Variants in MSH3 observed in about 807,000 individuals in gnomAD.
MSH3 encodes the protein DNA mismatch repair protein Msh3.
Under a neutral mutation model 123.3 loss-of-function variants are expected in MSH3, and 106 were observed. That is an observed-to-expected ratio of 0.86 (90% CI 0.73 to 1.01). MSH3 has a LOEUF of 1.01. Ranked by LOEUF, MSH3 falls within the 50% of genes least tolerant of loss-of-function variation. MSH3 has a pLI of 0.00. For synonymous variants in MSH3, 515 were observed against 481.4 expected (o/e 1.07, Z -0.91); for missense variants, 1,459 against 1,347.6 (o/e 1.08, Z -1.29).
rs775530635 is a variant in MSH3, at chr5:80,670,263, G to T, written c.746G>T (p.Cys249Phe). ...MKQQHKDAVL[C>F]VECGYKYRFF... is the part of the protein sequence containing the mutation. The stretch of plus-strand genomic sequence containing the variant: ...CAGCAGCACAAAGATGCAGTTTTGT[G>T]TGTGGAATGTGGATATAAGTATAGA... Residue 249 changes from cysteine (C) to phenylalanine (F), a missense_variant, in exon 4 of 24, where the codon TGT (cysteine) becomes TTT (phenylalanine). Cys to Phe is a radical substitution (Grantham distance 205). Transcript: ENST00000265081. 1.9e-6 allele frequency: 3 copies of T among 1,614,128 alleles called. No homozygotes were observed. In the South Asian group the frequency reaches 3.3e-5, roughly 18 times the overall value.
chr5:80,847,249 G>A (rs1745741056), intron 20 of MSH3, among the ~76,000 whole-genome samples: 1 of 151,904 alleles, frequency 6.6e-6, no homozygotes, highest in Non-Finnish European at 1.5e-5. Context: ...TAGTAGATAT[G>A]TGGTTTTGCC....
At chr5:80,720,969 A>G (rs1291851445) in intron 8 of MSH3, among the ~76,000 whole-genome samples, 1 of 152,188 alleles carries the variant, frequency 6.6e-6, no homozygotes, top group Non-Finnish European at 1.5e-5. Context: ...ATCACAGTCG[A>G]GATGTGGAAG....
At chr5:80,873,804 G>T (rs1746263116) in intron 23 of MSH3, among the ~76,000 whole-genome samples, 1 of 152,106 alleles carries the variant, frequency 6.6e-6, no homozygotes, top group African/African-American at 2.4e-5. Flanking sequence ...ATGCTTATGG[G>T]AATACTTTCC....
chr5:80,784,345 C>T (rs1413465562), intron 17 of MSH3, among the ~76,000 whole-genome samples: 1 of 151,304 alleles, frequency 6.6e-6, no homozygotes, highest in Non-Finnish European at 1.5e-5. Flanking sequence ...CTCTAAACAC[C>T]CAGGGCAGTT....
chr5:80,863,879 CAGAG>C lies in MSH3; in HGVS notation c.3001-928_3001-925del, dbSNP rs1403557772. ...CAGAGGAATCTCTCAGCAGACTTCACAGAGAGAGAAGAGGTTGTAAAATGTTTCT... is the reference window on the plus strand; with the variant it reads ...CAGAGGAATCTCTCAGCAGACTTCACAGAGAAGAGGTTGTAAAATGTTTCT... On this transcript the variant is annotated intron_variant, in intron 21 of 23. Coordinates refer to ENST00000265081, the MANE Select transcript of MSH3 (RefSeq NM_002439.5). 3.3e-5 allele frequency among the ~76,000 whole-genome samples: 5 copies of C among 151,960 alleles called. No homozygotes were observed. In the South Asian group the frequency reaches 6.2e-4, roughly 19 times the overall value.
At chr5:80,800,448 G>T (rs986116149) in intron 19 of MSH3, among the ~76,000 whole-genome samples, 4 of 152,104 alleles carry the variant, frequency 2.6e-5, no homozygotes, top group African/African-American at 9.7e-5. Flanking sequence ...ATGCTAACTG[G>T]TCCTGCCGAT....
rs1282544478 is a variant in MSH3, at chr5:80,743,739, G to A, written c.1654-767G>A. 1.4e-4 allele frequency among the ~76,000 whole-genome samples: 7 copies of A among 49,874 alleles called. 3 individuals are homozygous for A. The highest frequency in any genetic ancestry group is 2.3e-4 in the Non-Finnish European group (6 of 26,324). 32.7% of individuals were successfully genotyped at this position (49,874 alleles called of 152,430 possible). A position where few individuals can be genotyped will look rare whatever the true frequency, so the allele number is the denominator to read the frequency against. On this transcript the variant is annotated intron_variant, in intron 11 of 23. Coordinates refer to ENST00000265081, the MANE Select transcript of MSH3 (RefSeq NM_002439.5). ...GGCGCCTGTAGTCCCAGCTACTCGG[G>A]AGGCTGAGGCAGGAGAATGGCGTGA... is the stretch of plus-strand genomic sequence containing the variant.
rs181050823 is a variant in MSH3, at chr5:80,691,924, T to G, written c.1340+12831T>G. On this transcript the variant is annotated intron_variant, in intron 8 of 23. Coordinates refer to ENST00000265081, the MANE Select transcript of MSH3 (RefSeq NM_002439.5). ...ATATAGATAAACATGTATATGTTTA[T>G]ATAGATAAACATGTATATGTTTATA... 3.1e-4 allele frequency among the ~76,000 whole-genome samples: 40 copies of G among 130,716 alleles called. 1 individual carries two copies. The highest frequency in any genetic ancestry group is 1.2e-3 in the South Asian group (5 of 4,136). 85.8% of individuals were successfully genotyped at this position (130,716 alleles called of 152,430 possible). A position where few individuals can be genotyped will look rare whatever the true frequency, so the allele number is the denominator to read the frequency against.
At position 80,729,556 on chromosome 5, in the gene MSH3, A is replaced by T. The variant is rs376814103; in HGVS notation, c.1568+591A>T. On this transcript the variant is annotated intron_variant, in intron 10 of 23. Transcript: ENST00000265081. ...AGTTTTGACTACAAAACTGTGCTTT[A>T]TACTAACTGGACCCAGAAATAGTAT... Among the ~76,000 whole-genome samples, 313 of 151,724 alleles carry T rather than the reference A, an allele frequency of 2.1e-3. 2 individuals carry two copies. The highest frequency in any genetic ancestry group is 7.3e-3 in the African/African-American group (301 of 41,354).
chr5:80,692,619 T>A (rs1429792369), intron 8 of MSH3, among the ~76,000 whole-genome samples: 1 of 147,094 alleles, frequency 6.8e-6, no homozygotes, highest in African/African-American at 2.5e-5. Flanking sequence ...TGAATATATA[T>A]AAACATGTAT....
chr5:80,814,513 C>T (rs1316687154), intron 20 of MSH3, among the ~76,000 whole-genome samples: 6 of 152,202 alleles, frequency 3.9e-5, no homozygotes, highest in Non-Finnish European at 7.3e-5. Context: ...CCAAGTGAGC[C>T]GCCCGCCTTG....
At chr5:80,774,656 G>A (rs1232528121) in intron 15 of MSH3, among the ~76,000 whole-genome samples, 2 of 152,160 alleles carry the variant, frequency 1.3e-5, no homozygotes, top group East Asian at 1.9e-4. Flanking sequence ...CCTGTAATTT[G>A]CAACAACATG....
intron 20 of MSH3, among the ~76,000 whole-genome samples, chr5:80,853,837 C>G (rs1745870913): frequency 6.6e-6 from 1 of 152,074 alleles, no homozygotes; most frequent in South Asian, 2.1e-4. Context: ...AATACCAAAA[C>G]TTTGATTTGG....
intron 13 of MSH3, among the ~76,000 whole-genome samples, chr5:80,766,637 C>G (rs912980732): frequency 5.3e-5 from 8 of 152,152 alleles, no homozygotes; most frequent in Admixed American, 2.0e-4. Context: ...GTCACTGCGT[C>G]TGGCTGGTTT....
At chr5:80,838,824 G>T (rs1352796468) in intron 20 of MSH3, among the ~76,000 whole-genome samples, 3 of 152,122 alleles carry the variant, frequency 2.0e-5, no homozygotes, top group Non-Finnish European at 4.4e-5. Context: ...AGTTACTGCT[G>T]TTTCTACCAT....
intron 11 of MSH3, among the ~76,000 whole-genome samples, chr5:80,741,757 T>TAAAAA (rs1274810859): frequency 1.3e-5 from 2 of 152,216 alleles, no homozygotes; most frequent in Non-Finnish European, 2.9e-5. Context: ...CTGCCCTTTT[T>TAAAAA]AATGACTGAG....
intron 20 of MSH3, among the ~76,000 whole-genome samples, chr5:80,819,474 A>G (rs201937370): frequency 8.6e-6 from 1 of 116,372 alleles, no homozygotes. Context: ...GTGTATATAT[A>G]TATATAATTT....
In MSH3 at chr5:80,693,624, TACACAC is replaced by T. The variant is rs370934498; in HGVS notation, c.1340+14551_1340+14556del. 1.7e-3 allele frequency among the ~76,000 whole-genome samples: 249 copies of T among 146,042 alleles called. 3 individuals are homozygous for T. Among genetic ancestry groups the T allele is most frequent in the African/African-American group, 5.0e-3 (200 of 39,818 alleles). ...ACATACATATATACACACACACATATACACACACACACACACACACACACAAACACA... is the reference window on the plus strand; with the variant it reads ...ACATACATATATACACACACACATATACACACACACACACACACAAACACA... On this transcript the variant is annotated intron_variant, in intron 8 of 23. Coordinates refer to ENST00000265081, the MANE Select transcript of MSH3 (RefSeq NM_002439.5).
rs3797892 is a variant in MSH3, at chr5:80,763,469, T to C, written c.1896+1791T>C. Among the ~76,000 whole-genome samples the C allele has an allele frequency of 2.4e-4, 37 of 152,358 alleles. 1 individual carries two copies. In the East Asian group the frequency reaches 7.1e-3, roughly 29 times the overall value. ...AAGCTGTGCTGATAGTCGCAAGTTT[T>C]ATGGTAGACCTTTTTGAAGTTGCAA... On this transcript the variant is annotated intron_variant, in intron 13 of 23. Coordinates refer to ENST00000265081, the MANE Select transcript of MSH3 (RefSeq NM_002439.5).
Sources: gnomAD v4.1 joint callset for allele counts (sites outside exome capture counted in the v4.1 genomes callset) on GRCh38, gnomAD v4.1.1 for gene constraint, MANE v1.5 for transcripts, NCBI Gene and HGNC (gene_info 2026-07-23, HGNC 2026-07-21) for gene names.